PRX: variants seen among roughly 807,000 people sequenced by gnomAD.
PRX encodes the protein periaxin.
PRX carries 24 observed loss-of-function variants against 29.6 expected under a neutral mutation model. The observed-to-expected ratio is 0.81, with a 90% confidence interval of 0.59 to 1.14. The LOEUF (loss-of-function observed/expected upper bound fraction) is 1.14, where lower values mean the gene tolerates loss of function less well. PRX is among the 50% of genes most tolerant of loss of function. The pLI is 0.00. For missense variants in PRX, 1,838 were observed against 1,926.4 expected, an observed-to-expected ratio of 0.95 and a Z score of 0.86; for synonymous variants, 772 against 831.7, an observed-to-expected ratio of 0.93 and a Z score of 1.24.
Position 40,407,773 on chromosome 19 carries a change from G to C in PRX, c.27+133C>G, listed in dbSNP as rs1351151140. On this transcript the variant is annotated intron_variant, in intron 4 of 6. Coordinates refer to ENST00000324001, the MANE Select transcript of PRX (RefSeq NM_181882.3). ...TCTCCTCACAGTGACCCATAAAATA[G>C]ACCCTGTTATTATTTCCATTTCACA... is the stretch of plus-strand genomic sequence containing the variant. 2.3e-6 allele frequency: 3 copies of C among 1,282,074 alleles called. No homozygotes were observed. The Admixed American group carries it at 5.2e-5, about 22-fold the overall frequency. 79.4% of individuals were successfully genotyped at this position (1,282,074 alleles called of 1,614,324 possible).
intron 1 of PRX, among the ~76,000 whole-genome samples, chr19:40,410,205 T>C (rs1389173256): frequency 6.6e-6 from 1 of 151,948 alleles, no homozygotes; most frequent in Non-Finnish European, 1.5e-5. Context: ...ATGAATACTC[T>C]CTCCCCCAAC....
chr19:40,409,948 C>T (rs192217493), intron 1 of PRX, among the ~76,000 whole-genome samples: 3 of 152,094 alleles, frequency 2.0e-5, no homozygotes, highest in Non-Finnish European at 4.4e-5. Flanking sequence ...CACAAATGGT[C>T]GAGCCAGGAC....
Position 40,398,109 on chromosome 19 carries a change from C to G in PRX, c.382-139G>C. 1 of 1,443,590 alleles carries G rather than the reference C, an allele frequency of 6.9e-7. No homozygotes were observed. The highest frequency in any genetic ancestry group is 9.1e-7 in the Non-Finnish European group (1 of 1,100,852). 89.4% of individuals were successfully genotyped at this position (1,443,590 alleles called of 1,614,324 possible). A position where few individuals can be genotyped will look rare whatever the true frequency, so the allele number is the denominator to read the frequency against. ...TGTTCCCCAAACATCATCCCCACTTCTTGCCTGTCATTTCACCATGAGTGC... is the reference window on the plus strand; with the variant it reads ...TGTTCCCCAAACATCATCCCCACTTGTTGCCTGTCATTTCACCATGAGTGC... On this transcript the variant is annotated intron_variant, in intron 6 of 6. Transcript: ENST00000324001. This position sits in a 1 kb window ranked among gnomAD's most constrained non-coding sequence, Gnocchi z 6.3.
At chr19:40,411,840 C>T (rs2079560060) in intron 1 of PRX, among the ~76,000 whole-genome samples, 2 of 152,196 alleles carry the variant, frequency 1.3e-5, no homozygotes, top group African/African-American at 4.8e-5. Flanking sequence ...CTCCAGATGC[C>T]AGCAGCCTAT....
In PRX at chr19:40,397,602, C is replaced by T. The variant is rs1184005539; in HGVS notation, c.750G>A (p.Gln250=). The T allele has an allele frequency of 3.9e-6, 6 of 1,541,316 alleles. No individual in the cohort carries two copies. In the African/African-American group the frequency reaches 6.8e-5, roughly 18 times the overall value. Residue 250 remains glutamine (Q), a synonymous_variant, in exon 7 of 7, where the codon CAG becomes CAA. Coordinates refer to ENST00000324001, the MANE Select transcript of PRX (RefSeq NM_181882.3). ...AGGGGGCAGCCTTGGGGGCTGAGAC[C>T]TGGGGGACACCCACCTCCGCCCCTG... ...RLPGAEVGVP[Q]VSAPKAAPSA...
At chr19:40,402,169 G>A (rs1021397091) in intron 5 of PRX, among the ~76,000 whole-genome samples, 5 of 151,676 alleles carry the variant, frequency 3.3e-5, no homozygotes, top group Non-Finnish European at 5.9e-5. Flanking sequence ...TGGCTAACAC[G>A]GTGAAACCCC....
rs758960812 is a variant in PRX at position 40,394,090 on chromosome 19, G to C, written c.4262C>G (p.Ala1421Gly). ...RFPRVSLSPK[A>G]RSGSGDQEEG... ...TTCCTGGTCCCCACTCCCACTCCGG[G>C]CCTTGGGGCTTAGGGACACCCTGGG... Residue 1421 changes from alanine to glycine, a missense_variant, in exon 7 of 7, where the codon GCC (alanine) becomes GGC (glycine). Coordinates refer to ENST00000324001, the MANE Select transcript of PRX (RefSeq NM_181882.3). The surrounding 1 kb of genome is among the most constrained non-coding windows in gnomAD (Gnocchi z 5.8). 1 of 1,611,048 alleles carries C rather than the reference G, an allele frequency of 6.2e-7. No homozygotes were observed. Among genetic ancestry groups the C allele is most frequent in the South Asian group, 1.1e-5 (1 of 90,926 alleles).
chr19:40,401,922 T>A (rs1371401615), intron 5 of PRX, among the ~76,000 whole-genome samples: 1 of 152,094 alleles, frequency 6.6e-6, no homozygotes, highest in Non-Finnish European at 1.5e-5. Flanking sequence ...CCCGGCTAAT[T>A]TTTGAATTTT....
rs144550938 is a variant in PRX, at chr19:40,411,359, G to A, written c.-243+1979C>T. Among the ~76,000 whole-genome samples the A allele has an allele frequency of 1.4e-4, 21 of 152,332 alleles. No homozygotes were observed. In the East Asian group the frequency reaches 3.1e-3, roughly 22 times the overall value. ...AGAGACCGGTGATCACAGTGACAGAGTCGAGACTTGAGCCCAGGTGTGAAA... is the reference window on the plus strand; with the variant it reads ...AGAGACCGGTGATCACAGTGACAGAATCGAGACTTGAGCCCAGGTGTGAAA... On this transcript the variant is annotated intron_variant, in intron 1 of 6. Coordinates refer to ENST00000324001, the MANE Select transcript of PRX (RefSeq NM_181882.3).
At position 40,403,797 on chromosome 19, in the gene PRX, G is replaced by T. The variant is rs1431892895; in HGVS notation, c.93C>A (p.Gly31=). 1.9e-6 allele frequency: 3 copies of T among 1,608,092 alleles called. No individual in the cohort carries two copies. The highest frequency in any genetic ancestry group is 2.7e-5 in the African/African-American group (2 of 74,744). The change falls in exon 5 of 7, where the codon GGC becomes GGA. Residue 31 remains glycine (G), a synonymous_variant. Transcript: ENST00000324001. ...CTTTGCCGCCGCCCGCTACGTTGAT[G>T]CCGCTGACCCCGGTCTGCGCCTCCG... The part of the protein sequence containing the change: ...VETEAQTGVS[G]INVAGGGKEG...
chr19:40,404,006 G>A, intron 4 of PRX, 144 bp from the exon 5 acceptor site: 2 of 981,042 alleles, frequency 2.0e-6, no homozygotes, highest in Non-Finnish European at 2.9e-6. Flanking sequence ...TCGCCACACT[G>A]CCCAGGCTGG....
rs1003677886 is a variant in PRX at position 40,393,885 on chromosome 19, G to C, written c.*81C>G. ...TCACCCACCTCCCGGCCCTCTTAGG[G>C]TTAGTGCTAGTTATCACACACACAA... On this transcript the variant is annotated 3_prime_UTR_variant, in exon 7 of 7. Transcript: ENST00000324001. 3.8e-6 allele frequency: 6 copies of C among 1,595,132 alleles called. No individual in the cohort carries two copies. The African/African-American group carries it at 8.0e-5, about 21-fold the overall frequency.
At position 40,398,767 on chromosome 19, in the gene PRX, C is replaced by T. The variant is rs766994039; in HGVS notation, c.234G>A (p.Glu78=). Residue 78 remains glutamate (E), a synonymous_variant, in exon 6 of 7, where the codon GAG becomes GAA. Coordinates refer to ENST00000324001, the MANE Select transcript of PRX (RefSeq NM_181882.3). This position sits in a 1 kb window ranked among gnomAD's most constrained non-coding sequence, Gnocchi z 6.3. Reference sequence around the variant, plus strand: ...CGCATTGCAGCAGGCGTAGTGCGTCCTCGTACTTGAAGTTCTCGAAGAACA... The same window carrying T: ...CGCATTGCAGCAGGCGTAGTGCGTCTTCGTACTTGAAGTTCTCGAAGAACA... The part of the protein sequence containing the change: ...ARVFFENFKY[E]DALRLLQCAE... 1 of 1,614,106 alleles carries T rather than the reference C, an allele frequency of 6.2e-7. No homozygotes were observed. Among genetic ancestry groups the T allele is most frequent in the South Asian group, 1.1e-5 (1 of 91,088 alleles).
chr19:40,412,683 C>T (rs1404341353), intron 1 of PRX, among the ~76,000 whole-genome samples: 1 of 152,080 alleles, frequency 6.6e-6, no homozygotes, highest in African/African-American at 2.4e-5. Context: ...ACTCCAGGGA[C>T]CCACCCCAGG....
At position 40,394,951 on chromosome 19, in the gene PRX, A is replaced by AC. The variant is rs752719461; in HGVS notation, c.3400dup (p.Val1134GlyfsTer4). 1.2e-6 allele frequency: 2 copies of AC among 1,608,626 alleles called. No homozygotes were observed. Among genetic ancestry groups the AC allele is most frequent in the Non-Finnish European group, 8.5e-7 (1 of 1,179,154 alleles). ...CCCCGCGTCATGGCCCTCAGTGACC[A>AC]CCTGCCCGGCTGTGGACACCTTCAG... On this transcript the variant is annotated frameshift_variant, in exon 7 of 7. Coordinates refer to ENST00000324001, the MANE Select transcript of PRX (RefSeq NM_181882.3). LOFTEE classifies it low-confidence loss of function (END_TRUNC). The surrounding 1 kb of genome is among the most constrained non-coding windows in gnomAD (Gnocchi z 5.8).
intron 4 of PRX, 78 bp from the exon 5 acceptor site, chr19:40,403,940 G>T: frequency 6.7e-7 from 1 of 1,481,494 alleles, no homozygotes; most frequent in Non-Finnish European, 9.2e-7. Context: ...GCTCAACAGT[G>T]GCTCATATAC....
intron 1 of PRX, among the ~76,000 whole-genome samples, chr19:40,409,266 T>C (rs2079547491): frequency 6.6e-6 from 1 of 152,032 alleles, no homozygotes; most frequent in Non-Finnish European, 1.5e-5. Context: ...CTTGATGCTA[T>C]AAAATAATTA....
chr19:40,395,066 T>A lies in PRX; in HGVS notation c.3286A>T (p.Ile1096Phe). The A allele has an allele frequency of 6.2e-7, 1 of 1,612,882 alleles. No homozygotes were observed. Among genetic ancestry groups the A allele is most frequent in the Non-Finnish European group, 8.5e-7 (1 of 1,179,952 alleles). The change falls in exon 7 of 7, where the codon ATC (isoleucine) becomes TTC (phenylalanine). Residue 1096 changes from isoleucine to phenylalanine, a missense_variant. Ile to Phe is a conservative substitution (Grantham distance 21). Around this residue, in one of 3 missense-constraint regions of PRX, gnomAD observed 1,143 missense variants for 1,193.0 expected, o/e 0.96. Coordinates refer to ENST00000324001, the MANE Select transcript of PRX (RefSeq NM_181882.3). The part of the protein sequence containing the change: ...KAESTAVQLK[I>F]PEVELVTLGA... ...AGCGTGACCAGCTCCACCTCGGGGA[T>A]CTTAAGCTGCACAGCGGTGGACTCA... is the stretch of plus-strand genomic sequence containing the variant.
At chr19:40,402,335 C>T (rs546480353) in intron 5 of PRX, among the ~76,000 whole-genome samples, 1 of 151,430 alleles carries the variant, frequency 6.6e-6, no homozygotes, top group Non-Finnish European at 1.5e-5. Context: ...GCCTGGGAGA[C>T]AGAGCAAGAC....
Sources: gnomAD v4.1 joint callset for allele counts (sites outside exome capture counted in the v4.1 genomes callset) on GRCh38, gnomAD v4.1.1 for gene constraint, gnomAD v4.1.1 regional missense constraint, Gnocchi (gnomAD v3.1) non-coding constraint, MANE v1.5 for transcripts, NCBI Gene and HGNC (gene_info 2026-07-23, HGNC 2026-07-21) for gene names.